Variants in RPH3AL observed in about 807,000 individuals in gnomAD.
RPH3AL encodes the protein rabphilin 3A like (without C2 domains), also known as rab effector Noc2.
A neutral mutation model predicts 43.1 loss-of-function variants in RPH3AL; 38 were observed. The observed-to-expected ratio is 0.88, with a 90% CI of 0.68 to 1.15. RPH3AL has a LOEUF of 1.15. Among genes scored for constraint, RPH3AL ranks in the 50% most tolerant of loss-of-function variants. The pLI is 0.00. For missense variants in RPH3AL, 462 were observed against 423.2 expected (o/e 1.09, Z -0.81); for synonymous variants, 189 against 176.3 (o/e 1.07, Z -0.57).
intron 9 of RPH3AL, among the ~76,000 whole-genome samples, 172 bp from the exon 10 acceptor site, chr17:214,095 T>C (rs2040735121): frequency 6.6e-6 from 1 of 152,208 alleles, no homozygotes; most frequent in Non-Finnish European, 1.5e-5. Context: ...TCTGCTCTGC[T>C]GTGTGATGGC....
At chr17:244,272 A>G (rs537986130) in intron 7 of RPH3AL, among the ~76,000 whole-genome samples, 6 of 150,786 alleles carry the variant, frequency 4.0e-5, no homozygotes, top group Admixed American at 3.3e-4. Context: ...ACCTTCCTCT[A>G]TTGATTACCC....
intron 4 of RPH3AL, 97 bp downstream of exon 4, chr17:321,175 G>T: frequency 6.9e-7 from 1 of 1,452,238 alleles, no homozygotes; most frequent in Non-Finnish European, 9.3e-7. Flanking sequence ...GAGGTAAATA[G>T]CAAAACCAGG....
At chr17:303,260 G>A (rs372396756) in intron 5 of RPH3AL, among the ~76,000 whole-genome samples, 10 of 152,146 alleles carry the variant, frequency 6.6e-5, no homozygotes, top group East Asian at 3.9e-4. Flanking sequence ...GAGTGGTGGC[G>A]CACACCTGTA....
intron 5 of RPH3AL, among the ~76,000 whole-genome samples, chr17:299,177 G>A (rs943087542): frequency 1.3e-5 from 2 of 152,134 alleles, no homozygotes; most frequent in African/African-American, 2.4e-5. Flanking sequence ...CCCAGTGGGG[G>A]CCCTGCAATG....
At chr17:237,876 G>A (rs1243718765) in intron 7 of RPH3AL, among the ~76,000 whole-genome samples, 8 of 152,336 alleles carry the variant, frequency 5.3e-5, no homozygotes, top group Middle Eastern at 3.4e-3. Flanking sequence ...GGCCGGGTGC[G>A]GTGGCTCATG....
Position 322,678 on chromosome 17 carries a change from G to A in RPH3AL, c.78-1263C>T, listed in dbSNP as rs1304569333. 4.6e-5 allele frequency among the ~76,000 whole-genome samples: 7 copies of A among 152,172 alleles called. No homozygotes were observed. Among genetic ancestry groups the A allele is most frequent in the Non-Finnish European group, 1.0e-4 (7 of 68,032 alleles). Reference sequence around the variant, plus strand: ...AGTCCTGGAGGCAGGACCTAGGGCAGCAGGCTGAGGGAGGCGGACCCTTTC... The same window carrying A: ...AGTCCTGGAGGCAGGACCTAGGGCAACAGGCTGAGGGAGGCGGACCCTTTC... On this transcript the variant is annotated intron_variant, in intron 3 of 9. Transcript: ENST00000331302. This position sits in a 1 kb window ranked among gnomAD's most constrained non-coding sequence, Gnocchi z 4.0.
In RPH3AL at chr17:333,477, G is replaced by T; in HGVS notation, c.-37+282C>A. On this transcript the variant is annotated intron_variant, in intron 2 of 9. Coordinates refer to ENST00000331302, the MANE Select transcript of RPH3AL (RefSeq NM_006987.4). The surrounding 1 kb of genome is among the most constrained non-coding windows in gnomAD (Gnocchi z 4.5). ...CTTGCTGGTTTCTAAATAAAATTGG[G>T]TTCTTACTATATATGCTGCTTGCTG... is the stretch of plus-strand genomic sequence containing the variant. The T allele has an allele frequency of 2.6e-6, 1 of 390,730 alleles. No homozygotes were observed. Among genetic ancestry groups the T allele is most frequent in the Non-Finnish European group, 4.7e-6 (1 of 213,450 alleles). 24.2% of individuals were successfully genotyped at this position (390,730 alleles called of 1,614,324 possible). A position where few individuals can be genotyped will look rare whatever the true frequency, so the allele number is the denominator to read the frequency against.
intron 5 of RPH3AL, among the ~76,000 whole-genome samples, chr17:307,728 G>A (rs773157504): frequency 3.7e-4 from 56 of 152,234 alleles, no homozygotes; most frequent in Non-Finnish European, 7.3e-4. Flanking sequence ...CCTTTGTGCT[G>A]ATGACCCTGA....
At chr17:243,955 C>T (rs1219534204) in intron 7 of RPH3AL, among the ~76,000 whole-genome samples, 1 of 141,846 alleles carries the variant, frequency 7.0e-6, no homozygotes, top group Non-Finnish European at 1.5e-5. Context: ...CTACTGATTA[C>T]CCTTCCTCTA....
intron 1 of RPH3AL, among the ~76,000 whole-genome samples, chr17:342,216 G>A (rs1351211505): frequency 2.0e-5 from 3 of 152,214 alleles, no homozygotes; most frequent in African/African-American, 7.2e-5. Flanking sequence ...AATAACAAGT[G>A]TTCGTGAGGA....
intron 2 of RPH3AL, among the ~76,000 whole-genome samples, chr17:330,592 C>T (rs369573367): frequency 6.6e-6 from 1 of 152,196 alleles, no homozygotes; most frequent in Non-Finnish European, 1.5e-5. Flanking sequence ...AAATATACTA[C>T]AGCCCACACG....
At chr17:269,102 TCTC>T in intron 6 of RPH3AL, among the ~76,000 whole-genome samples, 1 of 152,220 alleles carries the variant, frequency 6.6e-6, no homozygotes, top group Admixed American at 6.5e-5. Context: ...ATGGTCTCGA[TCTC>T]CTGACCTCAT....
At chr17:275,452 C>A (rs1047475809) in intron 6 of RPH3AL, among the ~76,000 whole-genome samples, 2 of 152,030 alleles carry the variant, frequency 1.3e-5, no homozygotes, top group African/African-American at 4.8e-5. Flanking sequence ...ATGTCACATT[C>A]AAACACAAGC....
intron 8 of RPH3AL, among the ~76,000 whole-genome samples, chr17:216,680 C>A (rs1351360278): frequency 6.6e-6 from 1 of 152,140 alleles, no homozygotes; most frequent in Non-Finnish European, 1.5e-5. Context: ...TAAATTTTCT[C>A]TAGAATCTTC....
At chr17:278,797 T>G (rs781027910) in intron 6 of RPH3AL, among the ~76,000 whole-genome samples, 2 of 152,124 alleles carry the variant, frequency 1.3e-5, no homozygotes, top group Non-Finnish European at 2.9e-5. Flanking sequence ...GCTGCCTACA[T>G]GAATAAACGC....
Position 345,666 on chromosome 17 carries a change from C to T in RPH3AL, c.-213+7046G>A, listed in dbSNP as rs1485636848. Among the ~76,000 whole-genome samples, 13 of 75,672 alleles carry T rather than the reference C, an allele frequency of 1.7e-4. 2 individuals carry two copies. The highest frequency in any genetic ancestry group is 4.1e-4 in the African/African-American group (13 of 32,036). 49.6% of individuals were successfully genotyped at this position (75,672 alleles called of 152,430 possible). ...CGCACACCCTGCTGGGGCACGCGTG[C>T]TCCCCATCTGCGCGCACACCCTGCT... On this transcript the variant is annotated intron_variant, in intron 1 of 9. Transcript: ENST00000331302.
intron 5 of RPH3AL, among the ~76,000 whole-genome samples, chr17:292,896 G>A (rs2043079466): frequency 6.6e-6 from 1 of 152,212 alleles, no homozygotes; most frequent in Non-Finnish European, 1.5e-5. Context: ...GCCCCAAGGA[G>A]GCACAGCCTT....
chr17:242,086 C>A (rs1005060063), intron 7 of RPH3AL, among the ~76,000 whole-genome samples: 38 of 152,144 alleles, frequency 2.5e-4, no homozygotes, highest in Middle Eastern at 3.4e-3. Context: ...CACCACACTC[C>A]AGCCTGGGTG....
rs12451279 is a variant in RPH3AL, at chr17:281,965, T to C, written c.352-111A>G. ...CTTAGCATCTTCCAAGGAGCGTCTC[T>C]TGCTTCAGGATAGAAGGAATCAATC... On this transcript the variant is annotated intron_variant, in intron 5 of 9. Transcript: ENST00000331302. 3 of 792,686 alleles carry C rather than the reference T, an allele frequency of 3.8e-6. No homozygotes were observed. In the African/African-American group the frequency reaches 5.1e-5, roughly 13 times the overall value. The allele number at this position is 792,686 out of a possible 1,614,324, so 49.1% of individuals were successfully genotyped here. A position where few individuals can be genotyped will look rare whatever the true frequency, so the allele number is the denominator to read the frequency against.
Sources: allele counts gnomAD v4.1 joint callset (sites outside exome capture counted in the v4.1 genomes callset), GRCh38; gene constraint gnomAD v4.1.1; non-coding constraint Gnocchi (gnomAD v3.1); transcripts MANE v1.5; gene names NCBI Gene and HGNC (gene_info 2026-07-23, HGNC 2026-07-21).